Variants in SAMD4A observed in about 807,000 individuals in gnomAD.
SAMD4A encodes protein Smaug homolog 1.
In SAMD4A, 33 loss-of-function variants were observed where a neutral mutation model predicts 81.3. The ratio of observed to expected loss-of-function variants is 0.41; its 90% CI spans 0.31 to 0.54. The LOEUF (loss-of-function observed/expected upper bound fraction) is 0.54, where lower values mean the gene tolerates loss of function less well. Among genes scored for constraint, SAMD4A ranks in the 20% least tolerant of loss-of-function variants. The pLI, the probability that SAMD4A is intolerant of heterozygous loss-of-function variation, is 0.37. For missense variants in SAMD4A, 854 were observed against 951.1 expected (o/e 0.90, Z 1.34); for synonymous variants, 389 against 382.1 (o/e 1.02, Z -0.21).
chr14:54,751,602 C>A, intron 6 of SAMD4A, 65 bp downstream of exon 6: 1 of 1,044,716 alleles, frequency 9.6e-7, no homozygotes, highest in Non-Finnish European at 1.5e-6. Context: ...GGAAAATTCT[C>A]CACTGGAAGT....
At chr14:54,733,341 G>A (rs919821746) in intron 3 of SAMD4A, among the ~76,000 whole-genome samples, 7 of 140,804 alleles carry the variant, frequency 5.0e-5, no homozygotes, top group African/African-American at 1.6e-4. Flanking sequence ...ATATATATGT[G>A]TATATACGGA....
At chr14:54,601,512 A>G (rs2140224582) in intron 2 of SAMD4A, among the ~76,000 whole-genome samples, 1 of 152,340 alleles carries the variant, frequency 6.6e-6, no homozygotes, top group East Asian at 1.9e-4. Flanking sequence ...GGTGGGGATG[A>G]AAAACAAGAA....
chr14:54,692,153 G>T (rs893699836), intron 2 of SAMD4A, among the ~76,000 whole-genome samples: 1 of 152,076 alleles, frequency 6.6e-6, no homozygotes, highest in African/African-American at 2.4e-5. Flanking sequence ...CAACTTCCTC[G>T]TTATTTTAGA....
intron 2 of SAMD4A, among the ~76,000 whole-genome samples, chr14:54,570,333 G>A (rs547832024): frequency 3.7e-4 from 56 of 152,170 alleles, no homozygotes; most frequent in Non-Finnish European, 7.1e-4. Context: ...CAAGAACCAG[G>A]AAGGGGGCAA....
At chr14:54,751,744 C>T (rs2038106915) in intron 6 of SAMD4A, among the ~76,000 whole-genome samples, 1 of 152,192 alleles carries the variant, frequency 6.6e-6, no homozygotes, top group Non-Finnish European at 1.5e-5. Context: ...GTGCTTATTC[C>T]CTGGGCCCAG....
At chr14:54,574,570 G>A (rs562792442) in intron 2 of SAMD4A, among the ~76,000 whole-genome samples, 4 of 152,334 alleles carry the variant, frequency 2.6e-5, no homozygotes, top group Non-Finnish European at 5.9e-5. Context: ...ATTGCTTGGT[G>A]AGTGGAGAAT....
chr14:54,676,385 T>C (rs1482275971), intron 2 of SAMD4A, among the ~76,000 whole-genome samples: 1 of 152,188 alleles, frequency 6.6e-6, no homozygotes, highest in African/African-American at 2.4e-5. Context: ...TTCTTTTCTT[T>C]TCTTTGAGAC....
chr14:54,653,097 A>C (rs1295750411), intron 2 of SAMD4A, among the ~76,000 whole-genome samples: 1 of 149,886 alleles, frequency 6.7e-6, no homozygotes, highest in Non-Finnish European at 1.5e-5. Flanking sequence ...CTTTTTCTAC[A>C]TTTCTTTCTC....
chr14:54,747,851 C>G (rs1475451694), intron 4 of SAMD4A, among the ~76,000 whole-genome samples: 1 of 152,192 alleles, frequency 6.6e-6, no homozygotes, highest in Non-Finnish European at 1.5e-5. Flanking sequence ...GAAGATGATT[C>G]TGGAAACTTT....
At chr14:54,639,173 T>C (rs778386191) in intron 2 of SAMD4A, among the ~76,000 whole-genome samples, 1 of 152,222 alleles carries the variant, frequency 6.6e-6, no homozygotes, top group Non-Finnish European at 1.5e-5. Context: ...GAAAATAACC[T>C]GCATCACAGA....
At chr14:54,568,929 A>G (rs1285385593) in intron 2 of SAMD4A, among the ~76,000 whole-genome samples, 14 of 151,838 alleles carry the variant, frequency 9.2e-5, no homozygotes, top group Non-Finnish European at 1.6e-4. Context: ...ACTAGTATGG[A>G]AAGTGAATAT....
intron 3 of SAMD4A, chr14:54,702,793 T>C: frequency 1.7e-6 from 1 of 587,618 alleles, no homozygotes; most frequent in Non-Finnish European, 2.9e-6. Flanking sequence ...AAGTGACTGA[T>C]GGTCCAAATT....
At chr14:54,777,613 G>C (rs117544467) in intron 11 of SAMD4A, among the ~76,000 whole-genome samples, 2,393 of 152,234 alleles carry the variant, frequency 0.016, 29 homozygotes, top group South Asian at 0.052. Flanking sequence ...CTCCCTGGGG[G>C]GATTCCTCCA....
chr14:54,604,074 C>A (rs760477937), intron 2 of SAMD4A, among the ~76,000 whole-genome samples: 1 of 152,194 alleles, frequency 6.6e-6, no homozygotes, highest in Admixed American at 6.5e-5. Flanking sequence ...CCACCCACCT[C>A]GGCCTCCCAA....
At chr14:54,775,627 C>G (rs1417022170) in intron 10 of SAMD4A, among the ~76,000 whole-genome samples, 1 of 152,112 alleles carries the variant, frequency 6.6e-6, no homozygotes, top group Non-Finnish European at 1.5e-5. Context: ...CAGTTTAGAG[C>G]TGACTTCTCT....
Position 54,748,857 on chromosome 14 carries a change from C to T in SAMD4A, c.1022C>T (p.Ala341Val). Residue 341 changes from alanine (A) to valine (V), a missense_variant, in exon 5 of 13, where the codon GCC becomes GTC. Transcript: ENST00000554335. Reference protein sequence around the residue: ...WLKSLRLHKYAALFSQMTYEE... With the variant: ...WLKSLRLHKYVALFSQMTYEE... ...AAAAGCCTCCGCCTGCACAAATATG[C>T]CGCGCTTTTCTCCCAGATGACCTAT... is the stretch of plus-strand genomic sequence containing the variant. 1 of 1,555,330 alleles carries T rather than the reference C, an allele frequency of 6.4e-7. No homozygotes were observed. The highest frequency in any genetic ancestry group is 8.7e-7 in the Non-Finnish European group (1 of 1,148,606).
chr14:54,657,948 T>C (rs1180404331), intron 2 of SAMD4A, among the ~76,000 whole-genome samples: 1 of 152,154 alleles, frequency 6.6e-6, no homozygotes, highest in African/African-American at 2.4e-5. Flanking sequence ...CAACTTTAGG[T>C]TCTAGGACCT....
chr14:54,669,033 A>G (rs574286338), intron 2 of SAMD4A, among the ~76,000 whole-genome samples: 1 of 152,362 alleles, frequency 6.6e-6, no homozygotes, highest in Non-Finnish European at 1.5e-5. Flanking sequence ...AGGTTAGGCT[A>G]CCATGCTTTA....
chr14:54,757,379 T>C (rs1019062673), intron 6 of SAMD4A, among the ~76,000 whole-genome samples: 1 of 124,298 alleles, frequency 8.0e-6, no homozygotes, highest in African/African-American at 3.4e-5. Flanking sequence ...TTTGGTTTCT[T>C]TATTTGTGTG....
Sources: gnomAD v4.1 joint callset for allele counts (sites outside exome capture counted in the v4.1 genomes callset) on GRCh38, gnomAD v4.1.1 for gene constraint, MANE v1.5 for transcripts, NCBI Gene and HGNC (gene_info 2026-07-23, HGNC 2026-07-21) for gene names.